The following KANSL1L variants were observed in gnomAD, a reference collection of about 807,000 sequenced individuals.
KANSL1L encodes KAT8 regulatory NSL complex subunit 1 like, also known as KAT8 regulatory NSL complex subunit 1-like protein.
KANSL1L carries 25 observed loss-of-function variants against 108.6 expected under a neutral mutation model. That is an observed-to-expected ratio of 0.23 (90% CI 0.17 to 0.32). The LOEUF (loss-of-function observed/expected upper bound fraction) is 0.32, where lower values mean the gene tolerates loss of function less well. Ranked by LOEUF, KANSL1L falls within the 10% of genes least tolerant of loss-of-function variation. KANSL1L has a pLI of 1.00. For missense variants in KANSL1L, 1,137 were observed against 1,125.7 expected (o/e 1.01, Z -0.14); for synonymous variants, 405 against 395.1 (o/e 1.03, Z -0.30).
chr2:210,065,416 A>G (rs560156906), intron 6 of KANSL1L, among the ~76,000 whole-genome samples: 1 of 151,934 alleles, frequency 6.6e-6, no homozygotes, highest in East Asian at 1.9e-4. Flanking sequence ...TCCACACACC[A>G]AAAGGTTCTC....
At chr2:210,145,443 A>G (rs2095258673) in intron 2 of KANSL1L, among the ~76,000 whole-genome samples, 2 of 152,306 alleles carry the variant, frequency 1.3e-5, no homozygotes, top group Middle Eastern at 6.8e-3. Context: ...GCAAGATGTG[A>G]CTGCTTTTAG....
Position 210,129,052 on chromosome 2 carries a change from G to C in KANSL1L, c.1209C>G (p.His403Gln). The C allele has an allele frequency of 6.2e-7, 1 of 1,613,786 alleles. No homozygotes were observed. Among genetic ancestry groups the C allele is most frequent in the Non-Finnish European group, 8.5e-7 (1 of 1,179,744 alleles). ...ATACCTTGGAGGCACGAATTTGCCT[G>C]TGAATGTCTGTTAGTTGTTGGATTT... ...ECKIQQLTDI[H>Q]RQIRASKGIV... is the part of the protein sequence containing the mutation. The change falls in exon 3 of 15, where the codon CAC becomes CAG. Residue 403 changes from histidine to glutamine, a missense_variant. Transcript: ENST00000281772.
chr2:210,124,818 T>C (rs1380015338), intron 3 of KANSL1L, among the ~76,000 whole-genome samples: 1 of 152,136 alleles, frequency 6.6e-6, no homozygotes, highest in Admixed American at 6.5e-5. Flanking sequence ...AAGCTGGGGA[T>C]GTTATTGCTG....
chr2:210,023,319 T>A, intron 14 of KANSL1L, 140 bp from the exon 15 acceptor site: 1 of 641,890 alleles, frequency 1.6e-6, no homozygotes, highest in Non-Finnish European at 2.7e-6. Flanking sequence ...CATTTCAACT[T>A]AAATAGCAAC....
intron 2 of KANSL1L, among the ~76,000 whole-genome samples, chr2:210,131,467 G>A (rs1255712197): frequency 6.6e-6 from 1 of 151,912 alleles, no homozygotes; most frequent in African/African-American, 2.4e-5. Flanking sequence ...TATGCAATTT[G>A]GTTTGGCTAT....
rs1030727748 is a variant in KANSL1L, at chr2:210,023,069, A to G, written c.2844T>C (p.His948=). Residue 948 remains histidine, a synonymous_variant, in exon 15 of 15, where the codon CAT becomes CAC. Coordinates refer to ENST00000281772, the MANE Select transcript of KANSL1L (RefSeq NM_152519.4). The part of the protein sequence containing the change: ...DQVERSSTAF[H]GEIFGTSVPE... Reference sequence around the variant, plus strand: ...GTACACTGGTACCGAAGATTTCACCATGGAAAGCTGTGCTTGACCTTTCAA... The same window carrying G: ...GTACACTGGTACCGAAGATTTCACCGTGGAAAGCTGTGCTTGACCTTTCAA... The G allele has an allele frequency of 4.3e-6, 7 of 1,613,904 alleles. No individual in the cohort carries two copies. Among genetic ancestry groups the G allele is most frequent in the East Asian group, 2.2e-5 (1 of 44,878 alleles).
chr2:210,070,224 C>CTTTTTTTTTTTTTTTTT (rs71043971), intron 6 of KANSL1L, among the ~76,000 whole-genome samples: 3 of 77,542 alleles, frequency 3.9e-5, no homozygotes, highest in Non-Finnish European at 6.3e-5. Flanking sequence ...TTTCTCCGTT[C>CTTTTTTTTTTTTTTTTT]TTTTTTTTTT....
At chr2:210,028,760 T>C (rs1026675132) in intron 11 of KANSL1L, 85 bp downstream of exon 11, 2 of 1,027,578 alleles carry the variant, frequency 1.9e-6, no homozygotes, top group South Asian at 1.7e-5. Flanking sequence ...GGATGCTCCT[T>C]TCATTAATTA....
chr2:210,048,701 A>T (rs752999579), intron 6 of KANSL1L, among the ~76,000 whole-genome samples: 6 of 151,520 alleles, frequency 4.0e-5, no homozygotes, highest in Non-Finnish European at 8.8e-5. Context: ...ACTGACTCTC[A>T]TCATGTGGCC....
intron 2 of KANSL1L, among the ~76,000 whole-genome samples, chr2:210,150,286 C>T (rs985167944): frequency 2.0e-5 from 3 of 152,030 alleles, no homozygotes; most frequent in African/African-American, 7.2e-5. Context: ...CAGTTTACCT[C>T]AATAAACTGG....
At chr2:210,074,621 C>T (rs1264798666) in intron 6 of KANSL1L, among the ~76,000 whole-genome samples, 2 of 152,152 alleles carry the variant, frequency 1.3e-5, no homozygotes, top group African/African-American at 4.8e-5. Context: ...TCCCAAAGTA[C>T]TGGGATTACA....
chr2:210,079,603 T>A (rs1004609676), intron 5 of KANSL1L, among the ~76,000 whole-genome samples: 313 of 25,352 alleles, frequency 0.012, 6 homozygotes, highest in Middle Eastern at 0.11. Flanking sequence ...AAAAAAAAAA[T>A]ATGTATGTGT....
intron 9 of KANSL1L, chr2:210,031,046 C>T (rs1456831554): frequency 6.3e-6 from 1 of 158,898 alleles, no homozygotes; most frequent in Admixed American, 6.5e-5. Context: ...CCTGAGGAAT[C>T]TGCAGTGCAT....
At chr2:210,158,746 A>G (rs1405672102) in intron 1 of KANSL1L, among the ~76,000 whole-genome samples, 1 of 151,972 alleles carries the variant, frequency 6.6e-6, no homozygotes, top group Non-Finnish European at 1.5e-5. Context: ...TCTACTTTGC[A>G]ACCAAAAGAA....
Position 210,075,735 on chromosome 2 carries a change from C to T in KANSL1L, c.1572G>A (p.Glu524=). 6.2e-7 allele frequency: 1 copy of T among 1,613,738 alleles called. No homozygotes were observed. The highest frequency in any genetic ancestry group is 1.1e-5 in the South Asian group (1 of 91,056). ...IYRSASENLD[E]LSSSSSWLLN... ...GTAACCAGCTACTGGAGGAAGACAG[C>T]TCATCTAAATTCTCTGATGCACTGA... The change falls in exon 6 of 15, where the codon GAG becomes GAA. Residue 524 remains glutamate (E), a synonymous_variant. Coordinates refer to ENST00000281772, the MANE Select transcript of KANSL1L (RefSeq NM_152519.4).
At chr2:210,090,789 T>A (rs1401301791) in intron 5 of KANSL1L, among the ~76,000 whole-genome samples, 1 of 152,202 alleles carries the variant, frequency 6.6e-6, no homozygotes, top group Non-Finnish European at 1.5e-5. Flanking sequence ...TGCCTTAGCC[T>A]CCCAAAGTCT....
intron 2 of KANSL1L, among the ~76,000 whole-genome samples, chr2:210,151,178 G>A (rs557051194): frequency 6.6e-6 from 1 of 152,042 alleles, no homozygotes; most frequent in East Asian, 1.9e-4. Context: ...ACCATGCCGG[G>A]CTAATTTTTG....
At chr2:210,167,607 T>A (rs1034286731) in intron 1 of KANSL1L, among the ~76,000 whole-genome samples, 25 of 152,006 alleles carry the variant, frequency 1.6e-4, no homozygotes, top group Admixed American at 1.6e-3. Flanking sequence ...ATTAATGACC[T>A]ACTGCTGAAT....
Position 210,068,685 on chromosome 2 carries a change from A to G in KANSL1L, c.1755+6867T>C, listed in dbSNP as rs1339048074. 5.9e-5 allele frequency among the ~76,000 whole-genome samples: 9 copies of G among 152,258 alleles called. No individual in the cohort carries two copies. The East Asian group carries it at 1.4e-3, about 23-fold the overall frequency. On this transcript the variant is annotated intron_variant, in intron 6 of 14. Coordinates refer to ENST00000281772, the MANE Select transcript of KANSL1L (RefSeq NM_152519.4). ...CTGCCTGTAAAATTTTGGGGGTCTG[A>G]CAACCTTTTTCATTTTGTCTCGTCT...
Sources: allele counts gnomAD v4.1 joint callset (sites outside exome capture counted in the v4.1 genomes callset), GRCh38; gene constraint gnomAD v4.1.1; transcripts MANE v1.5; gene names NCBI Gene and HGNC (gene_info 2026-07-23, HGNC 2026-07-21).